DLC1: variants seen among roughly 807,000 people sequenced by gnomAD.
DLC1 encodes DLC1 Rho GTPase activating protein.
In DLC1, 54 loss-of-function variants were observed where a neutral mutation model predicts 140.3. That is an observed-to-expected ratio of 0.38 (90% CI 0.31 to 0.48). The LOEUF (loss-of-function observed/expected upper bound fraction) is 0.48. Ranked by LOEUF, DLC1 falls within the 20% of genes least tolerant of loss-of-function variation. The pLI is 0.96. For synonymous variants in DLC1, 986 were observed against 728.1 expected (o/e 1.35, Z -5.70); for missense variants, 2,536 against 1,907.0 (o/e 1.33, Z -6.14).
At chr8:13,267,311 T>TA (rs1830726588) in intron 5 of DLC1, among the ~76,000 whole-genome samples, 1 of 152,094 alleles carries the variant, frequency 6.6e-6, no homozygotes, top group Non-Finnish European at 1.5e-5. Flanking sequence ...CTTACTCATC[T>TA]AGTTTAGCTT....
intron 4 of DLC1, among the ~76,000 whole-genome samples, chr8:13,337,343 C>A (rs1444288982): frequency 6.6e-5 from 10 of 152,222 alleles, no homozygotes; most frequent in Admixed American, 3.3e-4. Flanking sequence ...TGTCCGATTT[C>A]AGAATAATGG....
At chr8:13,392,468 G>T (rs193110150) in intron 4 of DLC1, among the ~76,000 whole-genome samples, 1 of 152,220 alleles carries the variant, frequency 6.6e-6, no homozygotes, top group East Asian at 1.9e-4. Context: ...TCTTGCAATT[G>T]CAGCAAATCT....
At chr8:13,272,847 C>G (rs955601036) in intron 5 of DLC1, among the ~76,000 whole-genome samples, 8 of 152,218 alleles carry the variant, frequency 5.3e-5, no homozygotes, top group African/African-American at 1.7e-4. Flanking sequence ...GCATTCCAAC[C>G]TGGGTGACAG....
chr8:13,562,600 G>C (rs753788536), intron 1 of DLC1, among the ~76,000 whole-genome samples: 22 of 152,134 alleles, frequency 1.4e-4, no homozygotes, highest in Non-Finnish European at 3.1e-4. Context: ...GGGAACAGAT[G>C]CTCCCATACA....
Position 13,100,393 on chromosome 8 carries a change from G to A in DLC1, c.1944C>T (p.Ser648=). Residue 648 remains serine, a synonymous_variant, in exon 9 of 18, where the codon AGC becomes AGT. Coordinates refer to ENST00000276297, the MANE Select transcript of DLC1 (RefSeq NM_182643.3). ...CGTGGCCTTTCATGCTGAAGCTGAA[G>A]CTGGACAGTTCCTTGGGAGAGGGCA... ...GSLPSPKELS[S]FSFSMKGHEK... is the part of the protein sequence containing the mutation. The A allele has an allele frequency of 6.2e-7, 1 of 1,614,180 alleles. No individual in the cohort carries two copies. Among genetic ancestry groups the A allele is most frequent in the Non-Finnish European group, 8.5e-7 (1 of 1,180,038 alleles).
At chr8:13,225,560 G>T (rs1482171783) in intron 5 of DLC1, among the ~76,000 whole-genome samples, 6 of 151,892 alleles carry the variant, frequency 4.0e-5, no homozygotes, top group African/African-American at 1.5e-4. Context: ...CTTACCTCAA[G>T]GCTGAAGGAT....
chr8:13,346,423 C>G (rs1387354544), intron 4 of DLC1, among the ~76,000 whole-genome samples: 2 of 152,222 alleles, frequency 1.3e-5, no homozygotes, highest in African/African-American at 4.8e-5. Context: ...AAGTTGTCGT[C>G]CGAATGTTCA....
At chr8:13,109,885 C>CA (rs1210735294) in intron 7 of DLC1, among the ~76,000 whole-genome samples, 2 of 151,212 alleles carry the variant, frequency 1.3e-5, no homozygotes, top group South Asian at 4.2e-4. Flanking sequence ...AACTCCTTCT[C>CA]AAAAAAACAG....
At position 13,393,711 on chromosome 8, in the gene DLC1, C is replaced by T. The variant is rs760873143; in HGVS notation, c.1174-18G>A. 1.2e-5 allele frequency: 20 copies of T among 1,608,840 alleles called. No homozygotes were observed. The highest frequency in any genetic ancestry group is 1.7e-5 in the Admixed American group (1 of 59,356). On this transcript the variant is annotated intron_variant, in intron 3 of 17. Coordinates refer to ENST00000276297, the MANE Select transcript of DLC1 (RefSeq NM_182643.3). ...TCCAGATCCTATTAAAAAACAAATG[C>T]ACTGGTATGAAGGACATGTGAATGT...
intron 5 of DLC1, among the ~76,000 whole-genome samples, chr8:13,229,884 C>T (rs1352336963): frequency 6.6e-6 from 1 of 152,190 alleles, no homozygotes; most frequent in African/African-American, 2.4e-5. Flanking sequence ...AGACCAGATG[C>T]ATTTGTAAAA....
At chr8:13,503,745 A>G (rs1456701706) in intron 1 of DLC1, among the ~76,000 whole-genome samples, 2 of 152,210 alleles carry the variant, frequency 1.3e-5, no homozygotes, top group Non-Finnish European at 2.9e-5. Flanking sequence ...ACTTGTCTAA[A>G]CATTAGGAAT....
At chr8:13,248,485 C>A (rs1829859983) in intron 5 of DLC1, among the ~76,000 whole-genome samples, 1 of 152,104 alleles carries the variant, frequency 6.6e-6, no homozygotes, top group African/African-American at 2.4e-5. Context: ...TCAATCCAAT[C>A]CCCAGTTACT....
chr8:13,133,381 G>T, intron 5 of DLC1: 2 of 953,454 alleles, frequency 2.1e-6, no homozygotes, highest in Non-Finnish European at 2.6e-6. Flanking sequence ...CCTCCCCGCT[G>T]TCTGGGTCGC....
chr8:13,496,707 G>GGAGATCCACTCCAAGCAAACTTGGA (rs1801520133), intron 2 of DLC1, among the ~76,000 whole-genome samples: 1 of 150,256 alleles, frequency 6.7e-6, no homozygotes, highest in Non-Finnish European at 1.5e-5. Context: ...TAGTGTGCTT[G>GGAGATCCACTCCAAGCAAACTTGGA]GATCTGACTC....
intron 4 of DLC1, among the ~76,000 whole-genome samples, chr8:13,307,592 C>T (rs748635096): frequency 2.6e-5 from 4 of 152,052 alleles, no homozygotes; most frequent in Non-Finnish European, 2.9e-5. Context: ...GAAAAGTGAA[C>T]GAACAGAAAA....
chr8:13,535,816 C>T (rs1271559846), intron 1 of DLC1, among the ~76,000 whole-genome samples: 3 of 151,764 alleles, frequency 2.0e-5, no homozygotes, highest in Non-Finnish European at 4.4e-5. Context: ...ATTTATAACT[C>T]TGATTATCTA....
intron 5 of DLC1, among the ~76,000 whole-genome samples, chr8:13,255,545 G>A (rs973484819): frequency 6.6e-6 from 1 of 152,200 alleles, no homozygotes; most frequent in Non-Finnish European, 1.5e-5. Context: ...GAAAAAAATA[G>A]TAAATGAACA....
intron 5 of DLC1, among the ~76,000 whole-genome samples, chr8:13,239,760 T>C (rs145758377): frequency 1.3e-5 from 2 of 152,190 alleles, no homozygotes; most frequent in African/African-American, 4.8e-5. Context: ...ATATTAGAAA[T>C]GGGGAGTTTT....
At chr8:13,321,493 G>A (rs753867438) in intron 4 of DLC1, among the ~76,000 whole-genome samples, 8 of 125,774 alleles carry the variant, frequency 6.4e-5, no homozygotes, top group African/African-American at 8.9e-5. Context: ...AGCTGAGATC[G>A]CACCACTGCA....
Sources: allele counts gnomAD v4.1 joint callset (sites outside exome capture counted in the v4.1 genomes callset), GRCh38; gene constraint gnomAD v4.1.1; transcripts MANE v1.5; gene names NCBI Gene and HGNC (gene_info 2026-07-23, HGNC 2026-07-21).